The following SIK3 variants were observed in gnomAD, a reference collection of about 807,000 sequenced individuals.
The protein encoded by SIK3 is serine/threonine-protein kinase SIK3.
SIK3 carries 28 observed loss-of-function variants against 144.2 expected under a neutral mutation model. That is an observed-to-expected ratio of 0.19 (90% CI 0.14 to 0.27). The LOEUF (loss-of-function observed/expected upper bound fraction) is 0.27. SIK3 is among the 10% of genes least tolerant of loss of function. The pLI, the probability that SIK3 is intolerant of heterozygous loss-of-function variation, is 1.00. For synonymous variants in SIK3, 686 were observed against 676.3 expected (o/e 1.01, Z -0.22); for missense variants, 1,319 against 1,776.0 (o/e 0.74, Z 4.62).
Position 116,859,295 on chromosome 11 carries a change from T to C in SIK3, c.2735A>G (p.Gln912Arg). ...LSYGHRPLSK[Q>R]LSADSAEAHS... ...AGCCTCTGCACTGTCAGCACTCAGC[T>C]GCTTGGACAAGGGACGGTGCCCATA... is the stretch of plus-strand genomic sequence containing the variant. The change falls in exon 20 of 25, where the codon CAG becomes CGG. Residue 912 changes from glutamine to arginine, a missense_variant. Gln to Arg is a conservative substitution (Grantham distance 43). Coordinates refer to ENST00000445177, the MANE Select transcript of SIK3 (RefSeq NM_001366686.3). 6.2e-7 allele frequency: 1 copy of C among 1,611,790 alleles called. No homozygotes were observed. Among genetic ancestry groups the C allele is most frequent in the Non-Finnish European group, 8.5e-7 (1 of 1,178,316 alleles).
intron 1 of SIK3, among the ~76,000 whole-genome samples, chr11:117,023,616 A>C (rs868337459): frequency 4.6e-4 from 53 of 115,668 alleles, no homozygotes; most frequent in African/African-American, 2.3e-3. Context: ...AAACAAAAAA[A>C]AAAAAATATA....
At chr11:116,873,702 C>T in intron 12 of SIK3, 66 bp from the exon 13 acceptor site, 1 of 1,510,166 alleles carries the variant, frequency 6.6e-7, no homozygotes, top group Non-Finnish European at 8.9e-7. Flanking sequence ...AAGGGGCAAG[C>T]CACTCATCTA....
At chr11:117,013,967 C>CCTTTTTTTTTTTTTTTT (rs756680301) in intron 1 of SIK3, among the ~76,000 whole-genome samples, 2 of 7,374 alleles carry the variant, frequency 2.7e-4, no homozygotes, top group Non-Finnish European at 6.6e-4. Context: ...TTCTTTTTTT[C>CCTTTTTTTTTTTTTTTT]TTTTCTTTTT....
chr11:116,894,727 T>C (rs1945302100), intron 6 of SIK3, among the ~76,000 whole-genome samples: 2 of 152,230 alleles, frequency 1.3e-5, no homozygotes, highest in Admixed American at 1.3e-4. Context: ...GAGTTAATGT[T>C]TGTGAAGTGC....
chr11:117,042,391 T>C (rs1952785066), intron 1 of SIK3, among the ~76,000 whole-genome samples: 1 of 152,098 alleles, frequency 6.6e-6, no homozygotes, highest in South Asian at 2.1e-4. Context: ...AAGGCCAGAG[T>C]GTTGTCTCGC....
At chr11:116,965,264 A>T (rs976225416) in intron 1 of SIK3, among the ~76,000 whole-genome samples, 3 of 151,956 alleles carry the variant, frequency 2.0e-5, no homozygotes, top group Non-Finnish European at 4.4e-5. Context: ...ATTATGAGCA[A>T]CTCTCTCAGG....
chr11:117,072,228 A>G (rs1046909908), intron 1 of SIK3, among the ~76,000 whole-genome samples: 2 of 151,854 alleles, frequency 1.3e-5, no homozygotes, highest in African/African-American at 4.8e-5. Context: ...TCTCCACAAA[A>G]AATACAAAAA....
At position 116,844,657 on chromosome 11, in the gene SIK3, A is replaced by AATATATATATAATATATATATTATATATT. The variant is rs552161209; in HGVS notation, c.*985_*986insAATATATAATATATATATTATATATATAT. The stretch of plus-strand genomic sequence containing the variant: ...ATATTATATTATATATTATATATAT[A>AATATATATATAATATATATATTATATATT]ATATATATATACACATATATTATAT... On this transcript the variant is annotated 3_prime_UTR_variant, in exon 25 of 25. Coordinates refer to ENST00000445177, the MANE Select transcript of SIK3 (RefSeq NM_001366686.3). 1.1e-3 allele frequency: 110 copies of AATATATATATAATATATATATTATATATT among 103,508 alleles called. No homozygotes were observed. Among genetic ancestry groups the AATATATATATAATATATATATTATATATT allele is most frequent in the Non-Finnish European group, 1.8e-3 (98 of 54,542 alleles). 6.4% of individuals were successfully genotyped at this position (103,508 alleles called of 1,614,324 possible).
chr11:117,037,240 T>G (rs1466101120), intron 1 of SIK3, among the ~76,000 whole-genome samples: 2 of 152,164 alleles, frequency 1.3e-5, no homozygotes, highest in African/African-American at 4.8e-5. Context: ...TAAAAGATTC[T>G]GAGAGTTAGG....
chr11:117,021,947 A>AAAAAAAAAAAAAAAAAAAC (rs1951790203), intron 1 of SIK3, among the ~76,000 whole-genome samples: 1 of 131,846 alleles, frequency 7.6e-6, no homozygotes, highest in Non-Finnish European at 1.6e-5. Context: ...AAAAAAAAAA[A>AAAAAAAAAAAAAAAAAAAC]AAAAAAAAAA....
rs1201893441 is a variant in SIK3, at chr11:116,970,119, A to G, written c.274-13055T>C. Among the ~76,000 whole-genome samples the G allele has an allele frequency of 2.0e-5, 3 of 152,144 alleles. No individual in the cohort carries two copies. The East Asian group carries it at 5.8e-4, about 29-fold the overall frequency. On this transcript the variant is annotated intron_variant, in intron 1 of 24. Transcript: ENST00000445177. ...AGTGGAATCCTGTCTCTACAAAAAA[A>G]ATTTCAAATTGGTTGGGCACATTAG... is the stretch of plus-strand genomic sequence containing the variant.
intron 22 of SIK3, among the ~76,000 whole-genome samples, chr11:116,848,353 T>C (rs542647292): frequency 6.6e-6 from 1 of 150,996 alleles, no homozygotes; most frequent in South Asian, 2.1e-4. Context: ...TCTCAAAAAA[T>C]AATAATAATA....
intron 1 of SIK3, among the ~76,000 whole-genome samples, chr11:117,056,216 T>G (rs540189983): frequency 6.6e-6 from 1 of 152,294 alleles, no homozygotes; most frequent in East Asian, 1.9e-4. Flanking sequence ...TGAGTTCATG[T>G]CCTTTGTAGG....
At chr11:116,971,259 A>G (rs1203803705) in intron 1 of SIK3, among the ~76,000 whole-genome samples, 3 of 152,344 alleles carry the variant, frequency 2.0e-5, no homozygotes, top group South Asian at 2.1e-4. Context: ...TGAAACGGGC[A>G]ACAAGTAGGT....
chr11:117,084,509 G>T (rs1334228262), intron 1 of SIK3, among the ~76,000 whole-genome samples: 3 of 152,124 alleles, frequency 2.0e-5, no homozygotes, highest in African/African-American at 7.2e-5. Context: ...CAGGTGATCC[G>T]CCTGCCTGGG....
chr11:117,092,096 A>C (rs1043891986), intron 1 of SIK3, among the ~76,000 whole-genome samples: 5 of 152,042 alleles, frequency 3.3e-5, no homozygotes, highest in Admixed American at 3.3e-4. Context: ...CGTTTTAAAA[A>C]CATAAATTAG....
At chr11:116,856,395 T>C (rs554060140) in intron 21 of SIK3, among the ~76,000 whole-genome samples, 2 of 152,230 alleles carry the variant, frequency 1.3e-5, no homozygotes, top group African/African-American at 2.4e-5. Context: ...CCACAGGGTG[T>C]TGAAATTTGC....
At chr11:117,027,236 T>A (rs1205521339) in intron 1 of SIK3, among the ~76,000 whole-genome samples, 1 of 152,148 alleles carries the variant, frequency 6.6e-6, no homozygotes, top group Non-Finnish European at 1.5e-5. Flanking sequence ...TAACTATACA[T>A]CTCTGTAGAG....
rs1322985831 is a variant in SIK3 at position 116,858,208 on chromosome 11, C to T, written c.3257G>A (p.Ser1086Asn). 4 of 1,614,182 alleles carry T rather than the reference C, an allele frequency of 2.5e-6. No homozygotes were observed. The South Asian group carries it at 4.4e-5, about 18-fold the overall frequency. Reference sequence around the variant, plus strand: ...AGATAAAGCCTGGCGCTCTGTCATGCTCTGTCCCCCAAGGCTGGGAGCCAG... The same window carrying T: ...AGATAAAGCCTGGCGCTCTGTCATGTTCTGTCCCCCAAGGCTGGGAGCCAG... ...GSLAPSLGGQ[S>N]MTERQALSYQ... The change falls in exon 21 of 25, where the codon AGC (serine) becomes AAC (asparagine). Residue 1086 changes from serine to asparagine, a missense_variant. Around this residue, in one of 8 missense-constraint regions of SIK3, gnomAD observed 646 missense variants for 763.7 expected, o/e 0.85. Transcript: ENST00000445177. The surrounding 1 kb of genome is among the most constrained non-coding windows in gnomAD (Gnocchi z 5.4).
Sources: gnomAD v4.1 joint callset for allele counts (sites outside exome capture counted in the v4.1 genomes callset) on GRCh38, gnomAD v4.1.1 for gene constraint, gnomAD v4.1.1 regional missense constraint, Gnocchi (gnomAD v3.1) non-coding constraint, MANE v1.5 for transcripts, NCBI Gene and HGNC (gene_info 2026-07-23, HGNC 2026-07-21) for gene names.